The following STAU2 variants were observed in gnomAD, a reference collection of about 807,000 sequenced individuals.
STAU2 encodes the protein staufen double-stranded RNA binding protein 2, also known as double-stranded RNA-binding protein Staufen homolog 2.
A neutral mutation model predicts 65.9 loss-of-function variants in STAU2; 20 were observed. The observed-to-expected ratio is 0.30, with a 90% CI of 0.21 to 0.44. STAU2 has a LOEUF of 0.44. Among genes scored for constraint, STAU2 ranks in the 20% least tolerant of loss-of-function variants. STAU2 has a pLI of 1.00. For missense variants in STAU2, 558 were observed against 683.9 expected (o/e 0.82, Z 2.05); for synonymous variants, 232 against 233.9 (o/e 0.99, Z 0.07).
At chr8:73,455,183 C>A (rs1006228477) in intron 13 of STAU2, among the ~76,000 whole-genome samples, 8 of 152,134 alleles carry the variant, frequency 5.3e-5, no homozygotes, top group Admixed American at 5.2e-4. Context: ...GTCACAAAGC[C>A]TCCTGCCCGC....
At chr8:73,579,213 CAAGT>C (rs1054588301) in intron 12 of STAU2, among the ~76,000 whole-genome samples, 5 of 152,194 alleles carry the variant, frequency 3.3e-5, no homozygotes, top group Non-Finnish European at 7.3e-5. Context: ...TCTCATTCCA[CAAGT>C]ATTTGTCTTT....
chr8:73,499,949 C>T (rs944209660), intron 13 of STAU2, among the ~76,000 whole-genome samples: 6 of 151,910 alleles, frequency 3.9e-5, no homozygotes, highest in Non-Finnish European at 5.9e-5. Context: ...GGCGCTCTCA[C>T]GGATTGAGCT....
Position 73,665,828 on chromosome 8 carries a change from C to T in STAU2, c.410+7279G>A, listed in dbSNP as rs75395791. 4.4e-3 allele frequency among the ~76,000 whole-genome samples: 668 copies of T among 152,160 alleles called. 2 individuals are homozygous for T. Among genetic ancestry groups the T allele is most frequent in the Middle Eastern group, 0.014 (4 of 294 alleles). On this transcript the variant is annotated intron_variant, in intron 6 of 14. Coordinates refer to ENST00000524300, the MANE Select transcript of STAU2 (RefSeq NM_001164380.2). ...AGCCCCTGATATAAAATGCTCAAGTCCCTGATATAAAATATTAATATTTTA... is the reference window on the plus strand; with the variant it reads ...AGCCCCTGATATAAAATGCTCAAGTTCCTGATATAAAATATTAATATTTTA...
At chr8:73,550,116 A>G (rs1807224612) in intron 13 of STAU2, 6 of 985,408 alleles carry the variant, frequency 6.1e-6, no homozygotes, top group Non-Finnish European at 7.2e-6. Flanking sequence ...AGTATTTTAC[A>G]TCAATACCAG....
chr8:73,571,669 G>T (rs1286857680), intron 12 of STAU2, among the ~76,000 whole-genome samples: 23 of 152,090 alleles, frequency 1.5e-4, no homozygotes, highest in Non-Finnish European at 2.9e-5. Flanking sequence ...ACGAAATGAA[G>T]GCAGAAATAA....
intron 11 of STAU2, among the ~76,000 whole-genome samples, chr8:73,584,003 A>C (rs1007842504): frequency 6.6e-6 from 1 of 152,214 alleles, no homozygotes; most frequent in Non-Finnish European, 1.5e-5. Context: ...AATTGCTGCA[A>C]ATAGTTTACC....
Position 73,425,612 on chromosome 8 carries a change from T to C in STAU2, c.1531-2910A>G, listed in dbSNP as rs577253178. ...GGACCTCATAGCTTCTCTTTAAGGA[T>C]AGCAAAATCTCTCTCTCTCTCTCTC... On this transcript the variant is annotated intron_variant, in intron 13 of 14. Transcript: ENST00000524300. Among the ~76,000 whole-genome samples the C allele has an allele frequency of 4.5e-4, 68 of 152,150 alleles. No individual in the cohort carries two copies. The South Asian group carries it at 0.011, about 25-fold the overall frequency.
At chr8:73,576,673 T>C (rs1248809057) in intron 12 of STAU2, among the ~76,000 whole-genome samples, 1 of 152,230 alleles carries the variant, frequency 6.6e-6, no homozygotes, top group African/African-American at 2.4e-5. Flanking sequence ...AAATACGTTA[T>C]GCATCAAATA....
chr8:73,579,272 G>A (rs1219023353), intron 12 of STAU2, among the ~76,000 whole-genome samples: 1 of 152,104 alleles, frequency 6.6e-6, no homozygotes. Context: ...TTTCACAGGG[G>A]CTAAATAAAA....
At chr8:73,679,992 T>TC (rs1818302094) in intron 5 of STAU2, among the ~76,000 whole-genome samples, 1 of 145,272 alleles carries the variant, frequency 6.9e-6, no homozygotes, top group Admixed American at 6.9e-5. Flanking sequence ...TTTTTTTTTT[T>TC]TTTTTTTTTT....
At chr8:73,691,606 C>T (rs1345721001) in intron 4 of STAU2, among the ~76,000 whole-genome samples, 1 of 151,954 alleles carries the variant, frequency 6.6e-6, no homozygotes, top group Non-Finnish European at 1.5e-5. Context: ...TATACATGCA[C>T]CAATGTCTTT....
At chr8:73,742,059 T>C (rs1235528200) in intron 1 of STAU2, among the ~76,000 whole-genome samples, 2 of 152,216 alleles carry the variant, frequency 1.3e-5, no homozygotes, top group African/African-American at 2.4e-5. Flanking sequence ...AATTTAAAAA[T>C]TGTAGTTTGT....
chr8:73,609,149 G>A (rs983576004), intron 9 of STAU2, among the ~76,000 whole-genome samples: 1 of 152,060 alleles, frequency 6.6e-6, no homozygotes, highest in Admixed American at 6.6e-5. Context: ...ATGTCTAATA[G>A]GTAGTGCAGA....
chr8:73,668,415 C>T (rs1817395899), intron 6 of STAU2, among the ~76,000 whole-genome samples: 1 of 152,164 alleles, frequency 6.6e-6, no homozygotes, highest in East Asian at 1.9e-4. Context: ...AAATCTACAC[C>T]AGCAGATCAA....
intron 4 of STAU2, among the ~76,000 whole-genome samples, chr8:73,705,409 G>A (rs1820442328): frequency 6.6e-6 from 1 of 152,060 alleles, no homozygotes; most frequent in African/African-American, 2.4e-5. Flanking sequence ...CCATCTCAAA[G>A]TATCAGCACT....
At chr8:73,658,433 A>G (rs938610017) in intron 6 of STAU2, among the ~76,000 whole-genome samples, 1 of 152,220 alleles carries the variant, frequency 6.6e-6, no homozygotes, top group Non-Finnish European at 1.5e-5. Context: ...ATGAGAAAAT[A>G]CATTCCAAGT....
chr8:73,641,962 C>A (rs1204944650), intron 6 of STAU2, among the ~76,000 whole-genome samples: 1 of 152,156 alleles, frequency 6.6e-6, no homozygotes, highest in Admixed American at 6.5e-5. Context: ...TATACTCCCA[C>A]AACACTATGA....
intron 13 of STAU2, among the ~76,000 whole-genome samples, chr8:73,498,217 C>A (rs1821538481): frequency 6.6e-6 from 1 of 151,754 alleles, no homozygotes; most frequent in Non-Finnish European, 1.5e-5. Context: ...TTCCTCCAGG[C>A]AATTATCTAT....
intron 11 of STAU2, among the ~76,000 whole-genome samples, chr8:73,594,296 AC>A (rs1419931391): frequency 1.3e-5 from 2 of 152,230 alleles, no homozygotes; most frequent in African/African-American, 4.8e-5. Flanking sequence ...TGCCTAGAAA[AC>A]AAAAAAGTAC....
Sources: gnomAD v4.1 joint callset for allele counts (sites outside exome capture counted in the v4.1 genomes callset) on GRCh38, gnomAD v4.1.1 for gene constraint, MANE v1.5 for transcripts, NCBI Gene and HGNC (gene_info 2026-07-23, HGNC 2026-07-21) for gene names.